Variants in ARG2 observed in about 807,000 individuals in gnomAD.
ARG2 encodes the protein arginase-2, mitochondrial.
Under a neutral mutation model 39.4 loss-of-function variants are expected in ARG2, and 21 were observed. The ratio of observed to expected loss-of-function variants is 0.53; its 90% confidence interval spans 0.38 to 0.77. The LOEUF is 0.77. Among genes scored for constraint, ARG2 ranks in the 30% least tolerant of loss-of-function variants. The pLI is 0.00. For missense variants in ARG2, 378 were observed against 426.2 expected (o/e 0.89, Z 1.00); for synonymous variants, 150 against 156.7 (o/e 0.96, Z 0.32).
intron 2 of ARG2, among the ~76,000 whole-genome samples, chr14:67,626,016 G>C (rs1015565574): frequency 1.3e-5 from 2 of 152,170 alleles, no homozygotes; most frequent in Admixed American, 6.5e-5. Context: ...TACTTTGGGA[G>C]GCTGAGGCGG....
At chr14:67,646,115 AC>A (rs1298610878) in intron 4 of ARG2, among the ~76,000 whole-genome samples, 2 of 152,182 alleles carry the variant, frequency 1.3e-5, no homozygotes, top group Non-Finnish European at 2.9e-5. Flanking sequence ...GACAAATAAA[AC>A]CATGACCTCT....
chr14:67,628,321 C>A (rs956788999), intron 2 of ARG2, among the ~76,000 whole-genome samples: 1 of 152,196 alleles, frequency 6.6e-6, no homozygotes. Flanking sequence ...AACTTCTGGG[C>A]TCAAGCAAGC....
At chr14:67,645,145 T>C (rs528521624) in intron 3 of ARG2, among the ~76,000 whole-genome samples, 2 of 152,274 alleles carry the variant, frequency 1.3e-5, no homozygotes, top group Admixed American at 1.3e-4. Flanking sequence ...TGGTGAGTCG[T>C]TACCTATAGA....
chr14:67,630,780 A>G (rs1459672550), intron 2 of ARG2, among the ~76,000 whole-genome samples: 1 of 151,994 alleles, frequency 6.6e-6, no homozygotes, highest in African/African-American at 2.4e-5. Flanking sequence ...GAGTTTCACC[A>G]TCTTGGCCAG....
rs75500176 is a variant in ARG2, at chr14:67,633,808, G to A, written c.185-8378G>A. On this transcript the variant is annotated intron_variant, in intron 2 of 7. Coordinates refer to ENST00000261783, the MANE Select transcript of ARG2 (RefSeq NM_001172.4). ...TGTGCATTGTTCTATAGGGCTGAAG[G>A]CATTCTCTCCTCCTCAGTAAGCATT... Among the ~76,000 whole-genome samples, 752 of 152,316 alleles carry A rather than the reference G, an allele frequency of 4.9e-3. 36 individuals are homozygous for A. The East Asian group carries it at 0.083, about 17-fold the overall frequency.
intron 2 of ARG2, 152 bp from the exon 3 acceptor site, chr14:67,642,034 T>C (rs1397403217): frequency 3.9e-6 from 3 of 777,368 alleles, no homozygotes; most frequent in Admixed American, 2.8e-5. Context: ...AGGATCGAGA[T>C]AATCTTCCCA....
chr14:67,646,856 C>A, intron 5 of ARG2, 65 bp from the exon 6 acceptor site: 1 of 1,389,456 alleles, frequency 7.2e-7, no homozygotes, highest in Admixed American at 1.7e-5. Flanking sequence ...ACCCTCTCCC[C>A]CAAATACATA....
At chr14:67,631,434 C>CTTTTTT (rs1319430069) in intron 2 of ARG2, among the ~76,000 whole-genome samples, 3 of 113,130 alleles carry the variant, frequency 2.7e-5, no homozygotes, top group Non-Finnish European at 5.1e-5. Flanking sequence ...TTCTTTCTTT[C>CTTTTTT]TTTTTTTTTT....
chr14:67,643,786 C>T (rs966942807), intron 3 of ARG2, among the ~76,000 whole-genome samples: 2 of 137,364 alleles, frequency 1.5e-5, no homozygotes, highest in Non-Finnish European at 3.1e-5. Flanking sequence ...GAAAGCTTTT[C>T]AGATCACTGA....
intron 6 of ARG2, chr14:67,647,753 T>A (rs2037119040): frequency 3.6e-6 from 1 of 274,194 alleles, no homozygotes; most frequent in Non-Finnish European, 6.8e-6. Flanking sequence ...TTGACAGTTA[T>A]TAGTATAAGA....
intron 2 of ARG2, among the ~76,000 whole-genome samples, chr14:67,623,538 T>A: frequency 1.5e-5 from 1 of 66,782 alleles, no homozygotes. Flanking sequence ...GGTAACCTTT[T>A]TTTTTTTTTT....
At position 67,651,589 on chromosome 14, in the gene ARG2, T is replaced by C; in HGVS notation, c.*669T>C. On this transcript the variant is annotated 3_prime_UTR_variant, in exon 8 of 8. Coordinates refer to ENST00000261783, the MANE Select transcript of ARG2 (RefSeq NM_001172.4). ...CGGCTGGATACTCTGAGGCTGTATGTTTGATCACACAGCCACTTAGCAGGA... is the reference window on the plus strand; with the variant it reads ...CGGCTGGATACTCTGAGGCTGTATGCTTGATCACACAGCCACTTAGCAGGA... 1 of 1,246,534 alleles carries C rather than the reference T, an allele frequency of 8.0e-7. No homozygotes were observed. The highest frequency in any genetic ancestry group is 1.1e-6 in the Non-Finnish European group (1 of 909,806). 77.2% of individuals were successfully genotyped at this position (1,246,534 alleles called of 1,614,324 possible).
At chr14:67,622,253 G>A (rs1566793642) in intron 2 of ARG2, among the ~76,000 whole-genome samples, 1 of 152,128 alleles carries the variant, frequency 6.6e-6, no homozygotes, top group Non-Finnish European at 1.5e-5. Context: ...GGAGATTATG[G>A]AGATAATAAC....
intron 2 of ARG2, among the ~76,000 whole-genome samples, chr14:67,633,263 TTCTC>T (rs1435706270): frequency 6.6e-6 from 1 of 152,156 alleles, no homozygotes; most frequent in Admixed American, 6.5e-5. Context: ...CCTTTGTAGG[TTCTC>T]TCTTTTTTTT....
chr14:67,651,215 T>G lies in ARG2; in HGVS notation c.*295T>G. The G allele has an allele frequency of 7.5e-7, 1 of 1,339,644 alleles. No homozygotes were observed. Among genetic ancestry groups the G allele is most frequent in the Non-Finnish European group, 1.0e-6 (1 of 1,001,446 alleles). 83.0% of individuals were successfully genotyped at this position (1,339,644 alleles called of 1,614,324 possible). A position where few individuals can be genotyped will look rare whatever the true frequency, so the allele number is the denominator to read the frequency against. ...ATACTGGTCTTGTTGCTGTTGTTCC[T>G]TCACATTTAAGTGGTTTTTCATCTT... On this transcript the variant is annotated 3_prime_UTR_variant, in exon 8 of 8. Coordinates refer to ENST00000261783, the MANE Select transcript of ARG2 (RefSeq NM_001172.4).
chr14:67,634,420 C>CT (rs1289149957), intron 2 of ARG2, among the ~76,000 whole-genome samples: 3 of 144,546 alleles, frequency 2.1e-5, no homozygotes, highest in African/African-American at 7.8e-5. Context: ...TGGCAAAACT[C>CT]TATCTCTACC....
At chr14:67,635,888 G>T (rs1245298873) in intron 2 of ARG2, among the ~76,000 whole-genome samples, 1 of 152,040 alleles carries the variant, frequency 6.6e-6, no homozygotes, top group Non-Finnish European at 1.5e-5. Flanking sequence ...TAATTTCCAA[G>T]AATTCCTTTT....
intron 2 of ARG2, among the ~76,000 whole-genome samples, chr14:67,638,825 T>C (rs1037569841): frequency 7.2e-5 from 11 of 152,228 alleles, no homozygotes; most frequent in Non-Finnish European, 1.6e-4. Flanking sequence ...CTAACCATGC[T>C]GGATCAACCA....
intron 2 of ARG2, among the ~76,000 whole-genome samples, chr14:67,639,983 C>G (rs1478455668): frequency 5.5e-5 from 8 of 145,800 alleles, no homozygotes; most frequent in African/African-American, 2.0e-4. Flanking sequence ...TGTCAACAGA[C>G]AGAGGAAAGA....
Sources: gnomAD v4.1 joint callset for allele counts (sites outside exome capture counted in the v4.1 genomes callset) on GRCh38, gnomAD v4.1.1 for gene constraint, MANE v1.5 for transcripts, NCBI Gene and HGNC (gene_info 2026-07-23, HGNC 2026-07-21) for gene names.